Variants in RBFOX1 observed in about 807,000 individuals in gnomAD.
The protein encoded by RBFOX1 is RNA binding protein fox-1 homolog 1.
RBFOX1 carries 8 observed loss-of-function variants against 57.7 expected under a neutral mutation model. That is an observed-to-expected ratio of 0.14 (90% CI 0.08 to 0.25). The LOEUF is 0.25. Ranked by LOEUF, RBFOX1 falls within the 10% of genes least tolerant of loss-of-function variation. The probability of loss-of-function intolerance (pLI) is 1.00; values close to 1 mark genes in which losing one functional copy is unlikely to be tolerated. For missense variants in RBFOX1, 611 were observed against 548.5 expected, an observed-to-expected ratio of 1.11 and a Z score of -1.14; for synonymous variants, 326 against 222.4, an observed-to-expected ratio of 1.47 and a Z score of -4.15.
chr16:5,604,875 C>T (rs1454088592), downstream of RBFOX1, among the ~76,000 whole-genome samples: 1 of 152,168 alleles, frequency 6.6e-6, no homozygotes, highest in Non-Finnish European at 1.5e-5. Flanking sequence ...AACTTCCTGC[C>T]CATGTCACCT....
intron 3 of RBFOX1, among the ~76,000 whole-genome samples, chr16:6,883,772 A>T (rs1282070252): frequency 6.6e-6 from 1 of 152,216 alleles, no homozygotes; most frequent in Non-Finnish European, 1.5e-5. Flanking sequence ...TGTGAGCTGA[A>T]AATACATGGG....
intron 2 of RBFOX1, among the ~76,000 whole-genome samples, chr16:5,508,637 C>T (rs935806167): frequency 1.2e-4 from 18 of 151,936 alleles, no homozygotes; most frequent in Admixed American, 5.2e-4. Flanking sequence ...GGGGACTGCA[C>T]AGAGCGATTG....
chr16:5,341,037 G>A (rs946537829), intron 1 of RBFOX1, among the ~76,000 whole-genome samples: 4 of 152,180 alleles, frequency 2.6e-5, no homozygotes, highest in Non-Finnish European at 4.4e-5. Context: ...GGATGCCTAG[G>A]AAGAAGAGTA....
At chr16:7,190,908 G>T (rs533219979) in intron 4 of RBFOX1, among the ~76,000 whole-genome samples, 57 of 152,174 alleles carry the variant, frequency 3.7e-4, no homozygotes, top group African/African-American at 1.3e-3. Context: ...CATGAAGGAA[G>T]CATATTTTAC....
At chr16:5,449,061 C>T (rs1292217327) in intron 1 of RBFOX1, among the ~76,000 whole-genome samples, 2 of 152,116 alleles carry the variant, frequency 1.3e-5, no homozygotes, top group Non-Finnish European at 2.9e-5. Flanking sequence ...GGACACGTTA[C>T]CCCAAACTGG....
chr16:7,405,367 A>C (rs150591460), intron 4 of RBFOX1, among the ~76,000 whole-genome samples: 55 of 152,168 alleles, frequency 3.6e-4, no homozygotes, highest in African/African-American at 1.3e-3. Context: ...GCAGCAGTTC[A>C]CTCCAAGGCG....
intron 1 of RBFOX1, among the ~76,000 whole-genome samples, chr16:6,217,664 A>T (rs2097344719): frequency 6.6e-6 from 1 of 152,052 alleles, no homozygotes; most frequent in Non-Finnish European, 1.5e-5. Context: ...GGACCACTTC[A>T]TTTCTCACTG....
intron 4 of RBFOX1, among the ~76,000 whole-genome samples, chr16:7,517,557 C>T (rs1489717361): frequency 2.7e-5 from 4 of 149,012 alleles, no homozygotes; most frequent in Non-Finnish European, 6.0e-5. Flanking sequence ...CACAGACACA[C>T]ACACACACAC....
chr16:5,507,168 C>T (rs1010245134), intron 2 of RBFOX1, among the ~76,000 whole-genome samples: 5 of 151,994 alleles, frequency 3.3e-5, no homozygotes, highest in African/African-American at 7.3e-5. Flanking sequence ...AAAACAAATT[C>T]GGGTGTGTGA....
In RBFOX1 at chr16:5,455,948, G is replaced by A. The variant is rs753667744; in HGVS notation, c.220-11268G>A. ...CTAAGGCTTCCAGTGTTTTTATCAGGCATTGTTCTAAATAAATTAAATCTC... is the reference window on the plus strand; with the variant it reads ...CTAAGGCTTCCAGTGTTTTTATCAGACATTGTTCTAAATAAATTAAATCTC... On this transcript the variant is annotated intron_variant, in intron 1 of 2. Coordinates refer to the RBFOX1 transcript ENST00000585867. 7.0e-4 allele frequency among the ~76,000 whole-genome samples: 106 copies of A among 152,096 alleles called. 1 individual carries two copies. The highest frequency in any genetic ancestry group is 6.8e-3 in the Middle Eastern group (2 of 292).
At chr16:7,209,238 G>C (rs796816485) in intron 4 of RBFOX1, among the ~76,000 whole-genome samples, 1 of 151,876 alleles carries the variant, frequency 6.6e-6, no homozygotes, top group African/African-American at 2.4e-5. Context: ...GGGAGACTGA[G>C]GCAGGAGAAT....
chr16:6,896,064 G>C (rs569215687), intron 3 of RBFOX1, among the ~76,000 whole-genome samples: 1 of 152,222 alleles, frequency 6.6e-6, no homozygotes, highest in Non-Finnish European at 1.5e-5. Flanking sequence ...TCTGAGCTTA[G>C]GAGTTTGGGA....
chr16:6,450,673 T>C (rs1336605010), intron 2 of RBFOX1, among the ~76,000 whole-genome samples: 5 of 144,558 alleles, frequency 3.5e-5, no homozygotes, highest in Non-Finnish European at 7.5e-5. Flanking sequence ...TATGCTGCTG[T>C]ATTGTGTTTG....
chr16:5,465,564 T>G (rs1413366345), intron 1 of RBFOX1, among the ~76,000 whole-genome samples: 1 of 152,152 alleles, frequency 6.6e-6, no homozygotes, highest in African/African-American at 2.4e-5. Flanking sequence ...TGTTTTCAAA[T>G]TGTGACTGTA....
intron 2 of RBFOX1, among the ~76,000 whole-genome samples, chr16:6,489,357 C>T (rs1433885249): frequency 1.3e-5 from 2 of 152,038 alleles, no homozygotes; most frequent in East Asian, 1.9e-4. Context: ...TTTATATTTG[C>T]CGAGCACTCT....
At chr16:7,682,455 A>T (rs1367552132) in intron 14 of RBFOX1, among the ~76,000 whole-genome samples, 9 of 150,764 alleles carry the variant, frequency 6.0e-5, no homozygotes, top group Non-Finnish European at 1.3e-4. Context: ...GTTTGAGTCT[A>T]GGCTGTGGAA....
chr16:6,336,947 C>T (rs962819061), intron 2 of RBFOX1, among the ~76,000 whole-genome samples: 2 of 152,164 alleles, frequency 1.3e-5, no homozygotes, highest in Non-Finnish European at 1.5e-5. Flanking sequence ...TCTGCAAAAT[C>T]ACTGTTCGAG....
rs572795830 is a variant in RBFOX1, at chr16:6,750,647, C to G, written c.-16+95997C>G. Among the ~76,000 whole-genome samples, 16 of 152,260 alleles carry G rather than the reference C, an allele frequency of 1.1e-4. 1 individual carries two copies. The South Asian group carries it at 2.7e-3, about 26-fold the overall frequency. ...TTGAGACCCAAGTTTAAAACACCTG[C>G]AATTATGCTGGGACAGGGGTGTTCA... On this transcript the variant is annotated intron_variant, in intron 3 of 15. Transcript: ENST00000550418.
chr16:6,113,673 G>C (rs1408819767), intron 1 of RBFOX1, among the ~76,000 whole-genome samples: 1 of 152,214 alleles, frequency 6.6e-6, no homozygotes, highest in Non-Finnish European at 1.5e-5. Context: ...GGTATGAGGA[G>C]GGAGAAAAGA....
Sources: gnomAD v4.1 joint callset for allele counts (sites outside exome capture counted in the v4.1 genomes callset) on GRCh38, gnomAD v4.1.1 for gene constraint, MANE v1.5 for transcripts, NCBI Gene and HGNC (gene_info 2026-07-23, HGNC 2026-07-21) for gene names.